Variants in TTLL6 observed in about 807,000 individuals in gnomAD.
TTLL6 encodes tubulin polyglutamylase TTLL6.
A neutral mutation model predicts 96.4 loss-of-function variants in TTLL6; 75 were observed. That is an observed-to-expected ratio of 0.78 (90% CI 0.65 to 0.94). The LOEUF (loss-of-function observed/expected upper bound fraction) is 0.94, where lower values mean the gene tolerates loss of function less well. TTLL6 is among the 40% of genes least tolerant of loss of function. TTLL6 has a pLI of 0.00. For missense variants in TTLL6, 1,030 were observed against 1,093.0 expected, an observed-to-expected ratio of 0.94 and a Z score of 0.81; for synonymous variants, 411 against 419.4, an observed-to-expected ratio of 0.98 and a Z score of 0.24.
At chr17:48,772,383 G>A (rs931635279) in intron 13 of TTLL6, among the ~76,000 whole-genome samples, 2 of 152,060 alleles carry the variant, frequency 1.3e-5, no homozygotes, top group East Asian at 1.9e-4. Context: ...TGACCCAAAT[G>A]TTGGTTCATT....
chr17:48,804,789 C>T lies in TTLL6; in HGVS notation c.306G>A (p.Lys102=), dbSNP rs930496167. ...GLQNAQQQGK[K]KRKKKRLVIN... ...ATCCTAACCTCTTTTTCTTCCTCTT[C>T]TTCTTGCCTTGCTGCTGGGCATTCT... is the stretch of plus-strand genomic sequence containing the variant. The change falls in exon 2 of 16, where the codon AAG becomes AAA. Residue 102 remains lysine (K), a synonymous_variant. Coordinates refer to ENST00000393382, the MANE Select transcript of TTLL6 (RefSeq NM_001130918.3). 14 of 1,552,154 alleles carry T rather than the reference C, an allele frequency of 9.0e-6. No individual in the cohort carries two copies. In the African/African-American group the frequency reaches 9.6e-5, roughly 11 times the overall value.
At chr17:48,776,711 C>T (rs981939804) in intron 13 of TTLL6, among the ~76,000 whole-genome samples, 1 of 152,058 alleles carries the variant, frequency 6.6e-6, no homozygotes, top group Non-Finnish European at 1.5e-5. Flanking sequence ...CTAGAAGATT[C>T]ACTATTTTGT....
chr17:48,770,864 G>C (rs962938872), intron 13 of TTLL6, among the ~76,000 whole-genome samples: 1 of 147,644 alleles, frequency 6.8e-6, no homozygotes, highest in Non-Finnish European at 1.5e-5. Flanking sequence ...GTTGCAGTGA[G>C]CCGAGATCAC....
intron 1 of TTLL6, among the ~76,000 whole-genome samples, chr17:48,807,478 G>A (rs1285285375): frequency 6.6e-6 from 1 of 152,080 alleles, no homozygotes; most frequent in Non-Finnish European, 1.5e-5. Context: ...ATTATAAACA[G>A]CCTTTTCACT....
intron 12 of TTLL6, among the ~76,000 whole-genome samples, chr17:48,785,729 T>C (rs2039078617): frequency 6.6e-6 from 1 of 152,110 alleles, no homozygotes; most frequent in African/African-American, 2.4e-5. Context: ...TCCCATGTAA[T>C]GTTCTGAGAG....
intron 1 of TTLL6, among the ~76,000 whole-genome samples, chr17:48,810,728 A>G (rs760160337): frequency 2.0e-5 from 3 of 148,910 alleles, no homozygotes; most frequent in Non-Finnish European, 4.4e-5. Flanking sequence ...ATGTGTATAT[A>G]TAGTATGTGT....
In TTLL6 at chr17:48,762,966, G is replaced by A. The variant is rs1432050038; in HGVS notation, c.*8C>T. On this transcript the variant is annotated 3_prime_UTR_variant, in exon 16 of 16. Coordinates refer to ENST00000393382, the MANE Select transcript of TTLL6 (RefSeq NM_001130918.3). ...GGAAGGGAAAAGTGGCAGAGATCCA[G>A]TCTGATTCTGGAAAAAAAAAATTTT... is the stretch of plus-strand genomic sequence containing the variant. 4.5e-6 allele frequency: 2 copies of A among 440,920 alleles called. No individual in the cohort carries two copies. Among genetic ancestry groups the A allele is most frequent in the Admixed American group, 5.3e-5 (2 of 37,580 alleles). The allele number at this position is 440,920 out of a possible 1,614,324, so 27.3% of individuals were successfully genotyped here. A position where few individuals can be genotyped will look rare whatever the true frequency, so the allele number is the denominator to read the frequency against.
intron 1 of TTLL6, among the ~76,000 whole-genome samples, chr17:48,810,784 TATATATATA>T (rs2039570339): frequency 1.1e-5 from 1 of 93,722 alleles, no homozygotes; most frequent in East Asian, 2.3e-4. Context: ...TATGTGTGTA[TATATATATA>T]GTACATATAT....
At chr17:48,775,499 T>C (rs904051583) in intron 13 of TTLL6, among the ~76,000 whole-genome samples, 1 of 149,884 alleles carries the variant, frequency 6.7e-6, no homozygotes, top group Non-Finnish European at 1.5e-5. Flanking sequence ...AAAAAAGCAC[T>C]TGACAAGGTT....
intron 1 of TTLL6, among the ~76,000 whole-genome samples, chr17:48,809,450 T>C (rs776902969): frequency 1.3e-5 from 2 of 152,196 alleles, no homozygotes; most frequent in Non-Finnish European, 2.9e-5. Flanking sequence ...TAATGTTAAC[T>C]TGGGGAGAGA....
chr17:48,799,124 T>G (rs1384177210), intron 6 of TTLL6, among the ~76,000 whole-genome samples: 3 of 152,210 alleles, frequency 2.0e-5, no homozygotes, highest in Non-Finnish European at 4.4e-5. Flanking sequence ...GCCCAGCCAA[T>G]GCATAGTTGC....
intron 15 of TTLL6, among the ~76,000 whole-genome samples, chr17:48,766,474 C>T (rs2038608512): frequency 6.6e-6 from 1 of 152,190 alleles, no homozygotes; most frequent in African/African-American, 2.4e-5. Context: ...ATGATCTCTT[C>T]CCTTTCTTCG....
At position 48,786,189 on chromosome 17, in the gene TTLL6, T is replaced by A; in HGVS notation, c.1736A>T (p.Lys579Met). The A allele has an allele frequency of 3.1e-6, 5 of 1,614,212 alleles. No individual in the cohort carries two copies. Among genetic ancestry groups the A allele is most frequent in the Non-Finnish European group, 4.2e-6 (5 of 1,180,030 alleles). ...CTGTTTGGAGGCTTGGGTGGCGGCC[T>A]TGTCTTTCTGCTGTTGTTTCTGTTG... ...GWQQKQQQKD[K>M]AATQASKQYI... The change falls in exon 12 of 16, where the codon AAG (lysine) becomes ATG (methionine). Residue 579 changes from lysine (K) to methionine (M), a missense_variant. Physicochemically the swap from Lys to Met is moderately conservative, Grantham distance 95. Coordinates refer to ENST00000393382, the MANE Select transcript of TTLL6 (RefSeq NM_001130918.3).
chr17:48,809,936 G>C (rs1447055890), intron 1 of TTLL6, among the ~76,000 whole-genome samples: 2 of 151,772 alleles, frequency 1.3e-5, no homozygotes, highest in African/African-American at 4.8e-5. Context: ...TCGGGAGTTC[G>C]AGACCAGCCT....
At chr17:48,798,424 G>A (rs532826356) in intron 6 of TTLL6, among the ~76,000 whole-genome samples, 4 of 152,194 alleles carry the variant, frequency 2.6e-5, no homozygotes, top group East Asian at 1.9e-4. Context: ...AAAATTAGCC[G>A]GGTGTGCTGG....
At chr17:48,794,479 C>T (rs2039284527) in intron 8 of TTLL6, 2 of 1,105,704 alleles carry the variant, frequency 1.8e-6, no homozygotes, top group Admixed American at 3.0e-5. Context: ...GATGAAGTAA[C>T]TTGTCCAAGC....
chr17:48,795,681 C>T (rs1170698283), intron 8 of TTLL6, among the ~76,000 whole-genome samples: 1 of 152,162 alleles, frequency 6.6e-6, no homozygotes, highest in African/African-American at 2.4e-5. Context: ...ATGGGCCAAG[C>T]AATGACTGCC....
intron 9 of TTLL6, 111 bp downstream of exon 9, chr17:48,791,267 A>G: frequency 1.1e-6 from 1 of 898,078 alleles, no homozygotes; most frequent in Non-Finnish European, 1.7e-6. Context: ...CATGGGAGGA[A>G]GTGGCCTGGG....
At chr17:48,816,238 T>C (rs936207733) in intron 1 of TTLL6, among the ~76,000 whole-genome samples, 6 of 151,898 alleles carry the variant, frequency 4.0e-5, no homozygotes, top group African/African-American at 1.2e-4. Flanking sequence ...AGCTCAGGAG[T>C]TCGAGACCAG....
Sources: gnomAD v4.1 joint callset for allele counts (sites outside exome capture counted in the v4.1 genomes callset) on GRCh38, gnomAD v4.1.1 for gene constraint, MANE v1.5 for transcripts, NCBI Gene and HGNC (gene_info 2026-07-23, HGNC 2026-07-21) for gene names.